DCC: variants seen among roughly 807,000 people sequenced by gnomAD.
DCC encodes netrin receptor DCC.
In DCC, 58 loss-of-function variants were observed where a neutral mutation model predicts 172.5. That is an observed-to-expected ratio of 0.34 (90% CI 0.27 to 0.42). The LOEUF (loss-of-function observed/expected upper bound fraction) is 0.42. Among genes scored for constraint, DCC ranks in the 10% least tolerant of loss-of-function variants. The pLI, the probability that DCC is intolerant of heterozygous loss-of-function variation, is 1.00. For missense variants in DCC, 1,740 were observed against 1,791.0 expected (o/e 0.97, Z 0.51); for synonymous variants, 709 against 644.5 (o/e 1.10, Z -1.52).
intron 15 of DCC, among the ~76,000 whole-genome samples, chr18:53,356,294 C>A (rs2057877198): frequency 6.6e-6 from 1 of 152,022 alleles, no homozygotes; most frequent in African/African-American, 2.4e-5. Flanking sequence ...TTCATGTCTA[C>A]AAATTATTTT....
chr18:52,960,873 A>G lies in DCC; in HGVS notation c.985+35503A>G, dbSNP rs2040831515. 1.3e-5 allele frequency among the ~76,000 whole-genome samples: 2 copies of G among 152,144 alleles called. 1 individual carries two copies. Among genetic ancestry groups the G allele is most frequent in the South Asian group, 4.1e-4 (2 of 4,834 alleles). The stretch of plus-strand genomic sequence containing the variant: ...TAACAGGATTAAAAATATTTTTGCC[A>G]TATAGTGATATTATTTTATATTTAT... On this transcript the variant is annotated intron_variant, in intron 5 of 28. Transcript: ENST00000442544.
In DCC at chr18:52,599,895, C is replaced by G. The variant is rs148618624; in HGVS notation, c.92-152159C>G. 3.1e-3 allele frequency among the ~76,000 whole-genome samples: 475 copies of G among 152,270 alleles called. 3 individuals carry two copies. Among genetic ancestry groups the G allele is most frequent in the African/African-American group, 0.011 (458 of 41,554 alleles). On this transcript the variant is annotated intron_variant, in intron 1 of 28. Transcript: ENST00000442544. ...ATAGGCAATGACTGCCTTTGTGTTG[C>G]GTGCTGTTATCGCCCCTGTTCTAAC...
intron 1 of DCC, among the ~76,000 whole-genome samples, chr18:52,407,109 G>T (rs999827420): frequency 6.6e-6 from 1 of 151,860 alleles, no homozygotes; most frequent in Non-Finnish European, 1.5e-5. Context: ...TGGCACAATT[G>T]TCACTCCTGC....
intron 11 of DCC, among the ~76,000 whole-genome samples, chr18:53,210,529 G>A (rs1162976753): frequency 6.6e-6 from 1 of 152,048 alleles, no homozygotes; most frequent in Non-Finnish European, 1.5e-5. Flanking sequence ...TTCTTCCTGA[G>A]TAAATATTTA....
intron 7 of DCC, among the ~76,000 whole-genome samples, chr18:53,134,047 T>C (rs903154424): frequency 6.6e-6 from 1 of 152,160 alleles, no homozygotes; most frequent in Admixed American, 6.6e-5. Flanking sequence ...GTGAACTGTC[T>C]AGAATTATTT....
At position 53,440,158 on chromosome 18, in the gene DCC, T is replaced by C. The variant is rs1912184084; in HGVS notation, c.3229+4949T>C. On this transcript the variant is annotated intron_variant, in intron 22 of 28. Transcript: ENST00000442544. ...AATATCTGGAAATGTGTTTTGTAGT[T>C]TATATTTGTATAAATGACGGAACTA... is the stretch of plus-strand genomic sequence containing the variant. Among the ~76,000 whole-genome samples the C allele has an allele frequency of 2.6e-5, 4 of 152,218 alleles. No individual in the cohort carries two copies. The South Asian group carries it at 8.3e-4, about 32-fold the overall frequency.
intron 1 of DCC, among the ~76,000 whole-genome samples, chr18:52,670,699 G>C (rs954419469): frequency 1.3e-5 from 2 of 152,120 alleles, no homozygotes; most frequent in African/African-American, 4.8e-5. Flanking sequence ...AATTAGCCAG[G>C]CATGGTGAAG....
At chr18:53,035,790 TAAAC>T (rs1282706886) in intron 5 of DCC, among the ~76,000 whole-genome samples, 1 of 152,062 alleles carries the variant, frequency 6.6e-6, no homozygotes, top group Admixed American at 6.6e-5. Flanking sequence ...TTAGTTTAAA[TAAAC>T]CAGTCATTGT....
At chr18:52,926,138 G>A (rs2040198384) in intron 5 of DCC, among the ~76,000 whole-genome samples, 1 of 151,512 alleles carries the variant, frequency 6.6e-6, no homozygotes, top group South Asian at 2.1e-4. Flanking sequence ...TTTTTCCTCT[G>A]GAATAAATCT....
At chr18:53,522,230 G>T (rs1357717724) in intron 27 of DCC, among the ~76,000 whole-genome samples, 1 of 151,624 alleles carries the variant, frequency 6.6e-6, no homozygotes, top group Non-Finnish European at 1.5e-5. Flanking sequence ...TCCTATTTGG[G>T]TTTACAATTA....
At chr18:53,445,932 G>A (rs1350354828) in intron 22 of DCC, among the ~76,000 whole-genome samples, 4 of 151,308 alleles carry the variant, frequency 2.6e-5, no homozygotes, top group Non-Finnish European at 4.4e-5. Context: ...TATGATACAA[G>A]GTTTTTTTTC....
intron 24 of DCC, among the ~76,000 whole-genome samples, chr18:53,461,301 C>T (rs1599176075): frequency 6.6e-6 from 1 of 151,516 alleles, no homozygotes; most frequent in East Asian, 1.9e-4. Context: ...TCCCATTTGT[C>T]AATTTTGTCT....
At chr18:53,332,917 A>G (rs1242458498) in intron 14 of DCC, among the ~76,000 whole-genome samples, 2 of 152,116 alleles carry the variant, frequency 1.3e-5, no homozygotes, top group African/African-American at 2.4e-5. Flanking sequence ...TTTTCTTTTA[A>G]AAATTAGCCA....
intron 9 of DCC, among the ~76,000 whole-genome samples, chr18:53,181,494 C>G (rs1250468192): frequency 6.7e-6 from 1 of 149,100 alleles, no homozygotes; most frequent in Non-Finnish European, 1.5e-5. Flanking sequence ...TAAGAACACT[C>G]ATTCCATAAA....
At chr18:53,037,351 A>G (rs965425483) in intron 5 of DCC, among the ~76,000 whole-genome samples, 1 of 152,040 alleles carries the variant, frequency 6.6e-6, no homozygotes, top group African/African-American at 2.4e-5. Flanking sequence ...ACAGAAAATG[A>G]CATATATTGC....
intron 7 of DCC, among the ~76,000 whole-genome samples, chr18:53,087,646 T>C (rs1458846896): frequency 1.9e-4 from 29 of 152,164 alleles, no homozygotes; most frequent in East Asian, 5.8e-4. Flanking sequence ...GTTGCCATTG[T>C]TTTTGGTGTT....
At chr18:52,969,582 C>CCCCTCTCTCTCT (rs1555689589) in intron 5 of DCC, among the ~76,000 whole-genome samples, 4 of 80,060 alleles carry the variant, frequency 5.0e-5, no homozygotes, top group African/African-American at 5.5e-5. Flanking sequence ...GCCCCGCCCC[C>CCCCTCTCTCTCT]CACTCTCTCT....
intron 25 of DCC, among the ~76,000 whole-genome samples, chr18:53,474,588 C>G (rs569184855): frequency 2.6e-5 from 4 of 152,202 alleles, no homozygotes; most frequent in Admixed American, 2.6e-4. Flanking sequence ...TGCACAAGCT[C>G]TCTTCTCTTC....
At chr18:53,082,590 A>G (rs1433784528) in intron 7 of DCC, among the ~76,000 whole-genome samples, 1 of 152,138 alleles carries the variant, frequency 6.6e-6, no homozygotes, top group Admixed American at 6.6e-5. Flanking sequence ...AGTAAGTACC[A>G]TGCTAAATGA....
Sources: gnomAD v4.1 joint callset for allele counts (sites outside exome capture counted in the v4.1 genomes callset) on GRCh38, gnomAD v4.1.1 for gene constraint, MANE v1.5 for transcripts, NCBI Gene and HGNC (gene_info 2026-07-23, HGNC 2026-07-21) for gene names.